The following HMGA2 variants were observed in gnomAD, a reference collection of about 807,000 sequenced individuals.
The protein encoded by HMGA2 is high mobility group protein HMGI-C.
HMGA2 carries 8 observed loss-of-function variants against 19.1 expected under a neutral mutation model. The ratio of observed to expected loss-of-function variants is 0.42; its 90% CI spans 0.25 to 0.76. The LOEUF (loss-of-function observed/expected upper bound fraction) is 0.76. Among genes scored for constraint, HMGA2 ranks in the 30% least tolerant of loss-of-function variants. The probability of loss-of-function intolerance (pLI) is 0.28; values close to 1 mark genes in which losing one functional copy is unlikely to be tolerated. For synonymous variants in HMGA2, 60 were observed against 48.8 expected (o/e 1.23, Z -0.96); for missense variants, 109 against 136.3 (o/e 0.80, Z 1.00).
intron 3 of HMGA2, among the ~76,000 whole-genome samples, chr12:65,936,930 G>A (rs1282482195): frequency 6.6e-6 from 1 of 152,066 alleles, no homozygotes; most frequent in African/African-American, 2.4e-5. Context: ...TTCCCTGTAT[G>A]TGAAGGGAAT....
intron 3 of HMGA2, among the ~76,000 whole-genome samples, chr12:65,906,007 A>G (rs1477038639): frequency 6.6e-6 from 1 of 152,222 alleles, no homozygotes; most frequent in Non-Finnish European, 1.5e-5. Context: ...TAGATCAGCA[A>G]TAGTTCACTT....
intron 2 of HMGA2, among the ~76,000 whole-genome samples, chr12:65,835,231 A>C (rs1870665799): frequency 6.6e-6 from 1 of 152,182 alleles, no homozygotes; most frequent in African/African-American, 2.4e-5. Context: ...GTCTTTTTTG[A>C]AAAATAATAT....
chr12:65,953,655 A>G (rs1204541299), intron 4 of HMGA2: 1 of 152,240 alleles, frequency 6.6e-6, no homozygotes, highest in Non-Finnish European at 1.5e-5. Flanking sequence ...TCAAGGATCA[A>G]TCTGGCTATC....
intron 4 of HMGA2, among the ~76,000 whole-genome samples, chr12:65,959,045 G>A (rs540208556): frequency 6.6e-6 from 1 of 152,316 alleles, no homozygotes; most frequent in Admixed American, 6.5e-5. Context: ...TAAACCCAGA[G>A]CTTCAGCTCT....
At chr12:65,892,146 C>A (rs1277743274) in intron 3 of HMGA2, among the ~76,000 whole-genome samples, 2 of 152,172 alleles carry the variant, frequency 1.3e-5, no homozygotes, top group Non-Finnish European at 2.9e-5. Context: ...AGGGAACATA[C>A]CGTGGTAGCA....
chr12:65,842,198 T>G (rs1419073628), intron 3 of HMGA2: 2 of 894,754 alleles, frequency 2.2e-6, no homozygotes, highest in Non-Finnish European at 3.2e-6. Flanking sequence ...CTTAGCTAAC[T>G]GGAGTCTTAA....
intron 3 of HMGA2, among the ~76,000 whole-genome samples, chr12:65,884,026 C>G (rs1190351122): frequency 6.6e-6 from 1 of 152,126 alleles, no homozygotes; most frequent in Non-Finnish European, 1.5e-5. Context: ...CCACCACGCC[C>G]AGCTAATTTT....
At chr12:65,926,282 G>A (rs1382339846) in intron 3 of HMGA2, among the ~76,000 whole-genome samples, 1 of 152,202 alleles carries the variant, frequency 6.6e-6, no homozygotes, top group African/African-American at 2.4e-5. Flanking sequence ...TCTAGGAATT[G>A]TTTTCAAAAC....
At chr12:65,940,095 C>G (rs1466529220) in intron 3 of HMGA2, among the ~76,000 whole-genome samples, 3 of 151,432 alleles carry the variant, frequency 2.0e-5, no homozygotes, top group Admixed American at 1.3e-4. Flanking sequence ...AATATTATAG[C>G]AGGTGATAAA....
At chr12:65,842,542 C>G in intron 3 of HMGA2, 1 of 1,362,716 alleles carries the variant, frequency 7.3e-7, no homozygotes, top group South Asian at 1.2e-5. Context: ...AGTTTAAGAA[C>G]TGCTTATAAA....
At chr12:65,919,295 C>CGT (rs1321699934) in intron 3 of HMGA2, among the ~76,000 whole-genome samples, 1 of 152,054 alleles carries the variant, frequency 6.6e-6, no homozygotes, top group Non-Finnish European at 1.5e-5. Context: ...TACATAAAAC[C>CGT]GTATCACTAA....
At chr12:65,909,519 A>C (rs192778632) in intron 3 of HMGA2, among the ~76,000 whole-genome samples, 6 of 152,322 alleles carry the variant, frequency 3.9e-5, no homozygotes, top group Admixed American at 2.6e-4. Flanking sequence ...GGCTAACTTG[A>C]GAATGAAAAA....
chr12:65,954,107 CTATT>C (rs1446621469), intron 4 of HMGA2: 1 of 152,178 alleles, frequency 6.6e-6, no homozygotes, highest in Non-Finnish European at 1.5e-5. Flanking sequence ...TCTCTTTGCT[CTATT>C]TATCCATCTA....
At chr12:65,887,886 A>G (rs1873726124) in intron 3 of HMGA2, among the ~76,000 whole-genome samples, 2 of 152,042 alleles carry the variant, frequency 1.3e-5, no homozygotes, top group Admixed American at 1.3e-4. Context: ...TTAAAAAAAA[A>G]AAAAAGCAAT....
intron 3 of HMGA2, among the ~76,000 whole-genome samples, chr12:65,944,802 C>T (rs116979298): frequency 0.026 from 3,897 of 152,264 alleles, 83 homozygotes; most frequent in South Asian, 0.044. Context: ...TATGAAGACG[C>T]TCTGCCTCCA....
intron 4 of HMGA2, among the ~76,000 whole-genome samples, chr12:65,960,359 C>A (rs1236642709): frequency 1.3e-5 from 2 of 152,194 alleles, no homozygotes; most frequent in Non-Finnish European, 2.9e-5. Flanking sequence ...TTAAGTCTGG[C>A]CGAACCATGA....
chr12:65,956,661 A>C (rs1876614313), intron 4 of HMGA2: 1 of 152,200 alleles, frequency 6.6e-6, no homozygotes, highest in Non-Finnish European at 1.5e-5. Flanking sequence ...TAAAACTCCA[A>C]AAAGCAAAAT....
chr12:65,900,730 A>G (rs953450326), intron 3 of HMGA2, among the ~76,000 whole-genome samples: 1 of 152,134 alleles, frequency 6.6e-6, no homozygotes, highest in Non-Finnish European at 1.5e-5. Flanking sequence ...ATTACTGAAC[A>G]CTCACTCAAT....
intron 3 of HMGA2, among the ~76,000 whole-genome samples, chr12:65,933,180 G>A (rs1273405361): frequency 3.9e-5 from 6 of 152,038 alleles, no homozygotes; most frequent in African/African-American, 7.3e-5. Flanking sequence ...AGGGCCTTTG[G>A]AGGTAGACTA....
Sources: allele counts gnomAD v4.1 joint callset (sites outside exome capture counted in the v4.1 genomes callset), GRCh38; gene constraint gnomAD v4.1.1; transcripts MANE v1.5; gene names NCBI Gene and HGNC (gene_info 2026-07-23, HGNC 2026-07-21).